ZEB1: variants seen among roughly 807,000 people sequenced by gnomAD.
The protein encoded by ZEB1 is zinc finger E-box-binding homeobox 1.
A neutral mutation model predicts 84.9 loss-of-function variants in ZEB1; 21 were observed. The ratio of observed to expected loss-of-function variants is 0.25; its 90% CI spans 0.18 to 0.36. The LOEUF (loss-of-function observed/expected upper bound fraction) is 0.36, where lower values mean the gene tolerates loss of function less well. Among genes scored for constraint, ZEB1 ranks in the 10% least tolerant of loss-of-function variants. The pLI, the probability that ZEB1 is intolerant of heterozygous loss-of-function variation, is 1.00. For missense variants in ZEB1, 1,104 were observed against 1,330.2 expected, an observed-to-expected ratio of 0.83 and a Z score of 2.65; for synonymous variants, 420 against 471.1, an observed-to-expected ratio of 0.89 and a Z score of 1.41.
chr10:31,344,438 A>C (rs1253485257), intron 1 of ZEB1, among the ~76,000 whole-genome samples: 1 of 152,124 alleles, frequency 6.6e-6, no homozygotes, highest in East Asian at 1.9e-4. Context: ...TCAACTTTAC[A>C]GTAATGAAAT....
At chr10:31,450,752 G>A (rs530173141) in intron 1 of ZEB1, among the ~76,000 whole-genome samples, 51 of 151,916 alleles carry the variant, frequency 3.4e-4, no homozygotes, top group Non-Finnish European at 5.3e-4. Context: ...TATAGATGTC[G>A]TTTGTCCTTT....
At chr10:31,333,944 C>A (rs1040247800) in intron 1 of ZEB1, among the ~76,000 whole-genome samples, 1 of 151,806 alleles carries the variant, frequency 6.6e-6, no homozygotes, top group South Asian at 2.1e-4. Flanking sequence ...AGGCAGAAAA[C>A]CTGTCCGAGA....
At chr10:31,501,835 C>T (rs779230888) in intron 3 of ZEB1, among the ~76,000 whole-genome samples, 10 of 152,148 alleles carry the variant, frequency 6.6e-5, no homozygotes, top group African/African-American at 9.7e-5. Flanking sequence ...CTCCCTCGCT[C>T]GCTCTCAAAT....
At chr10:31,440,632 T>C (rs1042139319) in intron 1 of ZEB1, among the ~76,000 whole-genome samples, 3 of 152,240 alleles carry the variant, frequency 2.0e-5, no homozygotes, top group East Asian at 3.9e-4. Flanking sequence ...TGTTTGCAGA[T>C]GACATGATTG....
At chr10:31,500,523 A>G (rs1201127969) in intron 3 of ZEB1, among the ~76,000 whole-genome samples, 1 of 152,182 alleles carries the variant, frequency 6.6e-6, no homozygotes, top group Non-Finnish European at 1.5e-5. Context: ...GTAAACAGGA[A>G]AGACCAGAAA....
chr10:31,466,324 T>C (rs1176152283), intron 2 of ZEB1, among the ~76,000 whole-genome samples: 3 of 152,166 alleles, frequency 2.0e-5, no homozygotes, highest in Non-Finnish European at 4.4e-5. Flanking sequence ...TTTTTCTCAC[T>C]CAAACATGTA....
intron 1 of ZEB1, among the ~76,000 whole-genome samples, chr10:31,429,732 A>ATT (rs2057454560): frequency 8.1e-6 from 1 of 124,004 alleles, no homozygotes; most frequent in African/African-American, 3.6e-5. Context: ...TACAGGCAGA[A>ATT]CTTTTTTTTT....
intron 1 of ZEB1, among the ~76,000 whole-genome samples, chr10:31,374,232 G>A (rs776930981): frequency 3.3e-5 from 5 of 151,740 alleles, no homozygotes; most frequent in Admixed American, 2.6e-4. Flanking sequence ...TGCCCAATTA[G>A]AGATGTCAAA....
chr10:31,447,466 G>A (rs1388224101), intron 1 of ZEB1, among the ~76,000 whole-genome samples: 1,835 of 127,822 alleles, frequency 0.014, 40 homozygotes, highest in African/African-American at 0.052. Context: ...TATGATGTTA[G>A]CAGGTGATTT....
At chr10:31,394,668 C>T (rs1047999425) in intron 1 of ZEB1, among the ~76,000 whole-genome samples, 1 of 152,122 alleles carries the variant, frequency 6.6e-6, no homozygotes, top group African/African-American at 2.4e-5. Context: ...TGAAGCATTA[C>T]GATTATGAGA....
intron 1 of ZEB1, among the ~76,000 whole-genome samples, chr10:31,357,222 T>C (rs1051111610): frequency 6.6e-6 from 1 of 152,194 alleles, no homozygotes; most frequent in Non-Finnish European, 1.5e-5. Context: ...AAATTCACTG[T>C]CCTGAGAATA....
At chr10:31,525,486 C>T (rs539779877) in intron 8 of ZEB1, among the ~76,000 whole-genome samples, 63 of 152,300 alleles carry the variant, frequency 4.1e-4, no homozygotes, top group African/African-American at 1.5e-3. Context: ...AGTAGACTCT[C>T]TCCAGCCAGT....
chr10:31,440,121 A>AC (rs2058745991), intron 1 of ZEB1, among the ~76,000 whole-genome samples: 1 of 152,112 alleles, frequency 6.6e-6, no homozygotes, highest in African/African-American at 2.4e-5. Flanking sequence ...TCCAGAGTAG[A>AC]TGCATGGGAT....
chr10:31,517,738 A>C (rs1592059457), intron 6 of ZEB1, among the ~76,000 whole-genome samples: 1 of 152,162 alleles, frequency 6.6e-6, no homozygotes, highest in East Asian at 1.9e-4. Flanking sequence ...CAATGATAAA[A>C]TATCAAGATA....
At chr10:31,350,554 A>C (rs1054578668) in intron 1 of ZEB1, among the ~76,000 whole-genome samples, 1 of 152,180 alleles carries the variant, frequency 6.6e-6, no homozygotes, top group Non-Finnish European at 1.5e-5. Context: ...TCACCAGATG[A>C]ATAAAGGTTT....
chr10:31,415,602 A>G (rs1405819527), intron 1 of ZEB1, among the ~76,000 whole-genome samples: 1 of 152,088 alleles, frequency 6.6e-6, no homozygotes, highest in African/African-American at 2.4e-5. Flanking sequence ...GGTTTCTGGC[A>G]TACATAGACT....
chr10:31,442,943 G>A (rs1192194381), intron 1 of ZEB1, among the ~76,000 whole-genome samples: 1 of 152,136 alleles, frequency 6.6e-6, no homozygotes, highest in Non-Finnish European at 1.5e-5. Context: ...AGAGACACAT[G>A]TAGGCAACTT....
At chr10:31,516,932 C>T (rs923263005) in intron 6 of ZEB1, among the ~76,000 whole-genome samples, 3 of 151,958 alleles carry the variant, frequency 2.0e-5, no homozygotes, top group African/African-American at 7.2e-5. Context: ...GTCTGCAAAC[C>T]CTGTGTTACT....
chr10:31,502,858 AATATGG>A (rs1351648559), intron 4 of ZEB1, among the ~76,000 whole-genome samples: 3 of 152,188 alleles, frequency 2.0e-5, no homozygotes, highest in Non-Finnish European at 2.9e-5. Flanking sequence ...AACAAATAAA[AATATGG>A]TTGTCTGCTT....
Sources: gnomAD v4.1 joint callset for allele counts (sites outside exome capture counted in the v4.1 genomes callset) on GRCh38, gnomAD v4.1.1 for gene constraint, MANE v1.5 for transcripts, NCBI Gene and HGNC (gene_info 2026-07-23, HGNC 2026-07-21) for gene names.